The following NRG1 variants were observed in gnomAD, a reference collection of about 807,000 sequenced individuals.
The protein encoded by NRG1 is pro-neuregulin-1, membrane-bound isoform.
Under a neutral mutation model 63.8 loss-of-function variants are expected in NRG1, and 18 were observed. The observed-to-expected ratio is 0.28, with a 90% CI of 0.19 to 0.42. The LOEUF (loss-of-function observed/expected upper bound fraction) is 0.42. Ranked by LOEUF, NRG1 falls within the 10% of genes least tolerant of loss-of-function variation. The pLI is 1.00. For synonymous variants in NRG1, 302 were observed against 301.3 expected, an observed-to-expected ratio of 1.00 and a Z score of -0.02; for missense variants, 762 against 814.7, an observed-to-expected ratio of 0.94 and a Z score of 0.79.
chr8:32,382,842 G>T (rs2129483439), intron 1 of NRG1, among the ~76,000 whole-genome samples: 1 of 152,108 alleles, frequency 6.6e-6, no homozygotes, highest in African/African-American at 2.4e-5. Context: ...TTGAGCAGAG[G>T]TCAAATAACC....
At chr8:32,390,633 A>G (rs1431566124) in intron 1 of NRG1, among the ~76,000 whole-genome samples, 1 of 151,564 alleles carries the variant, frequency 6.6e-6, no homozygotes, top group African/African-American at 2.4e-5. Flanking sequence ...GAAGAAGAAG[A>G]AAAGAAAAAC....
At chr8:31,936,803 A>G (rs1800972409) in intron 1 of NRG1, among the ~76,000 whole-genome samples, 2 of 152,210 alleles carry the variant, frequency 1.3e-5, no homozygotes, top group Admixed American at 6.5e-5. Context: ...ATAAGCACAT[A>G]CAACCAAAAC....
At chr8:32,281,134 T>C (rs1852771091) in intron 1 of NRG1, among the ~76,000 whole-genome samples, 1 of 150,738 alleles carries the variant, frequency 6.6e-6, no homozygotes, top group Admixed American at 6.7e-5. Flanking sequence ...TACAAATTAT[T>C]TTGTTACCCA....
intron 1 of NRG1, among the ~76,000 whole-genome samples, chr8:32,011,774 C>G (rs1177634495): frequency 6.6e-6 from 1 of 152,002 alleles, no homozygotes; most frequent in East Asian, 1.9e-4. Context: ...GCTTGGATGC[C>G]TAGGAAATTT....
chr8:31,921,340 T>C (rs1355622525), intron 1 of NRG1, among the ~76,000 whole-genome samples: 2 of 152,160 alleles, frequency 1.3e-5, no homozygotes. Context: ...GTCTCAGTGA[T>C]TGGAGCCAGT....
chr8:32,721,124 G>T (rs996775125), intron 5 of NRG1, among the ~76,000 whole-genome samples: 2 of 152,186 alleles, frequency 1.3e-5, no homozygotes, highest in East Asian at 3.8e-4. Flanking sequence ...ATTCACTTAT[G>T]TGACCTTGGG....
At chr8:32,708,505 A>G (rs1816998349) in intron 5 of NRG1, among the ~76,000 whole-genome samples, 1 of 152,230 alleles carries the variant, frequency 6.6e-6, no homozygotes, top group Non-Finnish European at 1.5e-5. Context: ...GAGAACCTCC[A>G]TTGAATAAGA....
intron 1 of NRG1, among the ~76,000 whole-genome samples, chr8:32,205,935 CAAAAAAAA>C (rs5890627): frequency 1.1e-4 from 15 of 131,832 alleles, no homozygotes; most frequent in South Asian, 5.1e-4. Flanking sequence ...CATCTCTCTA[CAAAAAAAA>C]AAAAAAAAAT....
intron 1 of NRG1, among the ~76,000 whole-genome samples, chr8:32,492,147 T>TC (rs1420488572): frequency 6.6e-6 from 1 of 152,160 alleles, no homozygotes; most frequent in Non-Finnish European, 1.5e-5. Flanking sequence ...AACATTTTTT[T>TC]CCCAGTCATG....
chr8:32,749,643 C>A (rs1828286907), intron 7 of NRG1: 1 of 1,547,354 alleles, frequency 6.5e-7, no homozygotes, highest in South Asian at 1.1e-5. Flanking sequence ...GAGCTGAAAT[C>A]TTTTTCCCTT....
At chr8:32,084,343 A>G (rs1274404934) in intron 1 of NRG1, among the ~76,000 whole-genome samples, 1 of 152,156 alleles carries the variant, frequency 6.6e-6, no homozygotes, top group Non-Finnish European at 1.5e-5. Flanking sequence ...GAACATAGTC[A>G]TTTAGTTTCC....
chr8:32,537,842 G>A (rs1419038549), intron 1 of NRG1, among the ~76,000 whole-genome samples: 1 of 151,990 alleles, frequency 6.6e-6, no homozygotes, highest in Non-Finnish European at 1.5e-5. Context: ...TCAGGTTTTG[G>A]TTACTCTTGT....
chr8:31,764,062 G>A (rs1291742230), intron 1 of NRG1, among the ~76,000 whole-genome samples: 2 of 151,702 alleles, frequency 1.3e-5, no homozygotes, highest in African/African-American at 4.8e-5. Flanking sequence ...GAAGATAAAG[G>A]ATGGAGATAG....
chr8:32,119,410 A>G (rs557045329), intron 1 of NRG1, among the ~76,000 whole-genome samples: 28 of 152,226 alleles, frequency 1.8e-4, no homozygotes, highest in African/African-American at 5.8e-4. Context: ...GAAAATTTCT[A>G]GTAGTTTCCA....
intron 1 of NRG1, among the ~76,000 whole-genome samples, chr8:32,054,173 T>G (rs1822459696): frequency 6.6e-6 from 1 of 152,124 alleles, no homozygotes; most frequent in East Asian, 1.9e-4. Flanking sequence ...ATATGGAAAT[T>G]CCCAATACAG....
chr8:31,817,531 G>A (rs796942772), intron 1 of NRG1, among the ~76,000 whole-genome samples: 13 of 152,252 alleles, frequency 8.5e-5, no homozygotes, highest in African/African-American at 3.1e-4. Flanking sequence ...TTGAATGGGG[G>A]AAACATGCTG....
At position 31,749,395 on chromosome 8, in the gene NRG1, A is replaced by G. The variant is rs80300336; in HGVS notation, c.37+109964A>G. 4.5e-3 allele frequency among the ~76,000 whole-genome samples: 685 copies of G among 152,010 alleles called. 8 individuals are homozygous for G. The highest frequency in any genetic ancestry group is 0.015 in the African/African-American group (643 of 41,528). On this transcript the variant is annotated intron_variant, in intron 1 of 10. Transcript: ENST00000519301. ...AGATATATTGTCATTTTCAAAAATG[A>G]TACTTGCCAATCCCAGTGTCTTTAA...
chr8:32,652,763 T>C (rs1490757303), intron 5 of NRG1, among the ~76,000 whole-genome samples: 2 of 152,164 alleles, frequency 1.3e-5, no homozygotes, highest in Non-Finnish European at 2.9e-5. Context: ...TTTTTTTCTT[T>C]AGTGTGCTTG....
chr8:32,254,499 T>G (rs534128892), intron 1 of NRG1, among the ~76,000 whole-genome samples: 1 of 152,320 alleles, frequency 6.6e-6, no homozygotes, highest in Non-Finnish European at 1.5e-5. Context: ...TTGAGTGAGT[T>G]TCTTCATCCT....
Sources: allele counts gnomAD v4.1 joint callset (sites outside exome capture counted in the v4.1 genomes callset), GRCh38; gene constraint gnomAD v4.1.1; transcripts MANE v1.5; gene names NCBI Gene and HGNC (gene_info 2026-07-23, HGNC 2026-07-21).